Variants in SAMMSON observed in about 807,000 individuals in gnomAD.
SAMMSON encodes the protein survival associated mitochondrial melanoma specific oncogenic non-coding RNA.
At chr3:70,322,694 C>T (rs1250439525) in intron 7 of SAMMSON, among the ~76,000 whole-genome samples, 1 of 152,038 alleles carries the variant, frequency 6.6e-6, no homozygotes, top group African/African-American at 2.4e-5. Flanking sequence ...AACATTTGAT[C>T]AGCTATTCAC....
At chr3:70,292,495 T>G (rs1415829805) in intron 7 of SAMMSON, among the ~76,000 whole-genome samples, 1 of 152,128 alleles carries the variant, frequency 6.6e-6, no homozygotes, top group Non-Finnish European at 1.5e-5. Context: ...AGATGAAGCT[T>G]GAATTCAAGC....
chr3:70,319,850 G>A (rs1702524087), intron 7 of SAMMSON, among the ~76,000 whole-genome samples: 2 of 151,988 alleles, frequency 1.3e-5, no homozygotes, highest in South Asian at 4.1e-4. Flanking sequence ...AAAAGATTTG[G>A]TATATTATTG....
intron 9 of SAMMSON, among the ~76,000 whole-genome samples, chr3:70,384,197 C>T (rs1459303797): frequency 4.6e-5 from 7 of 151,856 alleles, no homozygotes; most frequent in Non-Finnish European, 8.8e-5. Flanking sequence ...CAATCCTTTT[C>T]AGTTAAAAAA....
At chr3:70,274,056 CGTGTGTGTGT>C (rs111792704) in intron 6 of SAMMSON, among the ~76,000 whole-genome samples, 2 of 142,852 alleles carry the variant, frequency 1.4e-5, no homozygotes, top group South Asian at 2.4e-4. Flanking sequence ...ATTAAACCTC[CGTGTGTGTGT>C]GTGTGTGTGT....
intron 4 of SAMMSON, among the ~76,000 whole-genome samples, chr3:70,135,909 A>C (rs1164027905): frequency 6.9e-6 from 1 of 145,026 alleles, no homozygotes; most frequent in Non-Finnish European, 1.5e-5. Flanking sequence ...CAGCTAGATA[A>C]TTTGCTTTTA....
chr3:70,386,313 A>C (rs1703122484), intron 9 of SAMMSON, among the ~76,000 whole-genome samples: 1 of 152,096 alleles, frequency 6.6e-6, no homozygotes, highest in Admixed American at 6.6e-5. Flanking sequence ...TTGGGTTAGA[A>C]ACCACTATTA....
At chr3:70,428,773 T>A (rs1208868080) in intron 2 of SAMMSON, among the ~76,000 whole-genome samples, 1 of 152,182 alleles carries the variant, frequency 6.6e-6, no homozygotes, top group Non-Finnish European at 1.5e-5. Context: ...TACTTGATTG[T>A]TTTTTATTGA....
chr3:70,073,475 C>T (rs36001908), intron 4 of SAMMSON, among the ~76,000 whole-genome samples: 3,535 of 152,086 alleles, frequency 0.023, 102 homozygotes, highest in South Asian at 0.12. Context: ...TACAATCTAT[C>T]GCAGAGCTAG....
intron 4 of SAMMSON, among the ~76,000 whole-genome samples, chr3:70,108,519 A>C (rs922723348): frequency 8.1e-5 from 12 of 147,582 alleles, no homozygotes. Flanking sequence ...TTTTAAAGCC[A>C]CATCGCACAG....
intron 6 of SAMMSON, among the ~76,000 whole-genome samples, chr3:70,251,521 G>A (rs923124136): frequency 6.6e-6 from 1 of 152,120 alleles, no homozygotes; most frequent in South Asian, 2.1e-4. Context: ...TATAGGCATA[G>A]CCTTGCTCTG....
intron 3 of SAMMSON, among the ~76,000 whole-genome samples, chr3:70,037,927 G>T (rs2067092219): frequency 6.6e-6 from 1 of 152,138 alleles, no homozygotes; most frequent in Non-Finnish European, 1.5e-5. Context: ...CCATACTAAG[G>T]TGTTCGATTA....
intron 7 of SAMMSON, among the ~76,000 whole-genome samples, chr3:70,344,347 G>A (rs557137767): frequency 2.6e-4 from 39 of 152,218 alleles, no homozygotes; most frequent in African/African-American, 9.1e-4. Context: ...AGAGGAGTTT[G>A]GCTTGGGATG....
intron 4 of SAMMSON, among the ~76,000 whole-genome samples, chr3:70,101,107 G>A (rs546569663): frequency 6.6e-6 from 1 of 152,256 alleles, no homozygotes; most frequent in African/African-American, 2.4e-5. Flanking sequence ...AAATGCACAA[G>A]ATGGTGCAGT....
At chr3:70,224,683 G>A (rs981403277) in intron 4 of SAMMSON, among the ~76,000 whole-genome samples, 2 of 152,032 alleles carry the variant, frequency 1.3e-5, no homozygotes, top group African/African-American at 2.4e-5. Flanking sequence ...TCTGAGACCC[G>A]TGGAGTTAAA....
chr3:70,069,760 G>A (rs2067223335), intron 3 of SAMMSON: 2 of 152,110 alleles, frequency 1.3e-5, no homozygotes, highest in South Asian at 2.1e-4. Flanking sequence ...CTCTGAGAAG[G>A]AGCAACTTGA....
At chr3:70,113,132 A>G (rs1389700683) in intron 4 of SAMMSON, among the ~76,000 whole-genome samples, 1 of 152,238 alleles carries the variant, frequency 6.6e-6, no homozygotes, top group Middle Eastern at 3.2e-3. Flanking sequence ...CTCCTTTCAG[A>G]ATAAAATGGA....
At chr3:70,248,352 A>G (rs1357342918) in intron 4 of SAMMSON, among the ~76,000 whole-genome samples, 2 of 152,062 alleles carry the variant, frequency 1.3e-5, no homozygotes, top group African/African-American at 4.8e-5. Flanking sequence ...TGGAGAAAAA[A>G]TTTTGAAAAG....
intron 3 of SAMMSON, among the ~76,000 whole-genome samples, chr3:70,062,410 A>T (rs73836041): frequency 0.012 from 1,872 of 152,176 alleles, 42 homozygotes; most frequent in African/African-American, 0.042. Context: ...TTGATTTAAC[A>T]TATTAATTTG....
intron 9 of SAMMSON, among the ~76,000 whole-genome samples, chr3:70,378,896 T>C (rs1016572163): frequency 6.6e-6 from 1 of 152,178 alleles, no homozygotes; most frequent in Non-Finnish European, 1.5e-5. Context: ...CAGAGTGTTC[T>C]GTAGGATATT....
Sources: gnomAD v4.1 joint callset for allele counts (sites outside exome capture counted in the v4.1 genomes callset) on GRCh38, gnomAD v4.1.1 for gene constraint, MANE v1.5 for transcripts, NCBI Gene and HGNC (gene_info 2026-07-23, HGNC 2026-07-21) for gene names.